NOL11: variants seen among roughly 807,000 people sequenced by gnomAD.
NOL11 encodes nucleolar protein 11.
A neutral mutation model predicts 93.0 loss-of-function variants in NOL11; 42 were observed. That is an observed-to-expected ratio of 0.45 (90% CI 0.35 to 0.58). NOL11 has a LOEUF of 0.58. NOL11 is among the 20% of genes least tolerant of loss of function. The pLI, the probability that NOL11 is intolerant of heterozygous loss-of-function variation, is 0.00. For synonymous variants in NOL11, 296 were observed against 293.7 expected, an observed-to-expected ratio of 1.01 and a Z score of -0.08; for missense variants, 775 against 841.8, an observed-to-expected ratio of 0.92 and a Z score of 0.98.
At chr17:67,743,616 T>C in intron 17 of NOL11, 30 bp downstream of exon 17, 3 of 1,370,136 alleles carry the variant, frequency 2.2e-6, no homozygotes, top group Non-Finnish European at 3.1e-6. Flanking sequence ...ATACTGATTT[T>C]ATTTGTACCC....
At chr17:67,740,023 G>A (rs751573065) in intron 16 of NOL11, among the ~76,000 whole-genome samples, 8 of 152,066 alleles carry the variant, frequency 5.3e-5, no homozygotes, top group Non-Finnish European at 1.2e-4. Context: ...ATCACTTGAG[G>A]TCAGGAGTTT....
Position 67,718,038 on chromosome 17 carries a change from A to G in NOL11, c.91A>G (p.Thr31Ala), listed in dbSNP as rs2043189055. ...GLLGVEQSDK[T>A]DQFLVTDSGR... ...CCTAGGCGTGGAGCAGAGCGACAAA[A>G]CAGACCAGTTTCTAGTGACAGACAG... Residue 31 changes from threonine to alanine, a missense_variant, in exon 1 of 18, where the codon ACA becomes GCA. Physicochemically the swap from Thr to Ala is moderately conservative, Grantham distance 58 (BLOSUM62 0). Around this residue, in one of 2 missense-constraint regions of NOL11, gnomAD observed 359 missense variants for 316.5 expected, o/e 1.13. Coordinates refer to ENST00000253247, the MANE Select transcript of NOL11 (RefSeq NM_015462.5). 3.1e-6 allele frequency: 5 copies of G among 1,614,078 alleles called. No homozygotes were observed. Among genetic ancestry groups the G allele is most frequent in the South Asian group, 1.1e-5 (1 of 91,084 alleles).
At chr17:67,719,273 C>T (rs1244629960) in intron 1 of NOL11, 1 of 152,606 alleles carries the variant, frequency 6.6e-6, no homozygotes, top group Non-Finnish European at 1.5e-5. Context: ...GTGAGGTGCG[C>T]TTGTAATTCC....
rs762029432 is a variant in NOL11, at chr17:67,743,979, GA to G, written c.*121del. On this transcript the variant is annotated 3_prime_UTR_variant, in exon 18 of 18. Transcript: ENST00000253247. ...TCAGTGTCAAGAGAAACGTGTCAGTGAGTACCTGGACCATCACTTAACTGAT... is the reference window on the plus strand; with the variant it reads ...TCAGTGTCAAGAGAAACGTGTCAGTGGTACCTGGACCATCACTTAACTGAT... The G allele has an allele frequency of 1.8e-6, 1 of 568,706 alleles. No homozygotes were observed. Among genetic ancestry groups the G allele is most frequent in the Non-Finnish European group, 3.1e-6 (1 of 324,442 alleles). 35.2% of individuals were successfully genotyped at this position (568,706 alleles called of 1,614,324 possible).
chr17:67,720,044 T>C (rs2043206042), intron 3 of NOL11, 82 bp downstream of exon 3: 4 of 1,285,090 alleles, frequency 3.1e-6, no homozygotes, highest in Non-Finnish European at 4.2e-6. Context: ...TGTTATTTAT[T>C]TTAATACCTC....
intron 6 of NOL11, among the ~76,000 whole-genome samples, chr17:67,724,968 G>C (rs563919354): frequency 6.6e-6 from 1 of 152,318 alleles, no homozygotes; most frequent in Non-Finnish European, 1.5e-5. Context: ...TGAGGCAGGA[G>C]AATGGTGTGA....
intron 7 of NOL11, among the ~76,000 whole-genome samples, chr17:67,729,233 T>A (rs2055128518): frequency 6.6e-6 from 1 of 152,150 alleles, no homozygotes. Flanking sequence ...TAACTGGGAT[T>A]ACAGGCATGT....
At chr17:67,723,919 T>C (rs1252270558) in intron 5 of NOL11, 130 bp from the exon 6 acceptor site, 13 of 608,898 alleles carry the variant, frequency 2.1e-5, no homozygotes, top group Non-Finnish European at 3.6e-5. Context: ...ACAAACAAAT[T>C]TGATAGCATA....
chr17:67,719,854 T>G, intron 2 of NOL11, 52 bp from the exon 3 acceptor site: 1 of 1,504,780 alleles, frequency 6.6e-7, no homozygotes, highest in Non-Finnish European at 9.1e-7. Context: ...TTGTATTTAT[T>G]ATATGTAAAT....
At chr17:67,727,821 CCTGGGCTTTTTG>C (rs1370742599) in intron 7 of NOL11, among the ~76,000 whole-genome samples, 4 of 149,644 alleles carry the variant, frequency 2.7e-5, no homozygotes, top group African/African-American at 9.8e-5. Context: ...CAAAAAATCA[CCTGGGCTTTTTG>C]GCGCACAAAC....
chr17:67,727,769 G>C (rs958586874), intron 7 of NOL11, among the ~76,000 whole-genome samples: 3 of 151,832 alleles, frequency 2.0e-5, no homozygotes, highest in Non-Finnish European at 2.9e-5. Context: ...TTCGAGACCA[G>C]CTTGGCCAAC....
chr17:67,724,855 G>C (rs1009845971), intron 6 of NOL11, among the ~76,000 whole-genome samples: 1 of 152,034 alleles, frequency 6.6e-6, no homozygotes, highest in African/African-American at 2.4e-5. Flanking sequence ...TCAGGAGATC[G>C]AGACCATCCT....
chr17:67,718,243 G>A (rs3760226), intron 1 of NOL11, among the ~76,000 whole-genome samples, 155 bp downstream of exon 1: 138,401 of 152,246 alleles, frequency 0.91, 63,039 homozygotes, highest in African/African-American at 0.96. Flanking sequence ...AGTGAGGTCT[G>A]GAATCTGGCT....
intron 8 of NOL11, among the ~76,000 whole-genome samples, chr17:67,735,332 TTATAC>T (rs147341004): frequency 0.025 from 3,806 of 152,270 alleles, 146 homozygotes; most frequent in African/African-American, 0.086. Flanking sequence ...TACAATTTAA[TTATAC>T]TTTATATGTA....
Position 67,718,054 on chromosome 17 carries a change from TGACA to T in NOL11, c.113_116del (p.Asp38AlafsTer21). On this transcript the variant is annotated frameshift_variant, in exon 1 of 18. Coordinates refer to ENST00000253247, the MANE Select transcript of NOL11 (RefSeq NM_015462.5). LOFTEE classifies it high-confidence loss of function. ...AGCGACAAAACAGACCAGTTTCTAG[TGACA>T]GACAGCGGCAGGACAGTCATCCTCT... 2 of 1,614,206 alleles carry T rather than the reference TGACA, an allele frequency of 1.2e-6. No individual in the cohort carries two copies. Among genetic ancestry groups the T allele is most frequent in the Non-Finnish European group, 8.5e-7 (1 of 1,180,040 alleles).
rs75854539 is a variant in NOL11 at position 67,724,328 on chromosome 17, T to C, written c.664+135T>C. ...TGTGCTTCTTTACAGCGTTCATGCC[T>C]TCACTTTTTTTTTTTTTTTTTTTGA... On this transcript the variant is annotated intron_variant, in intron 6 of 17. Transcript: ENST00000253247. The C allele has an allele frequency of 5.3e-5, 24 of 454,184 alleles. No individual in the cohort carries two copies. The East Asian group carries it at 8.9e-4, about 17-fold the overall frequency. The allele number at this position is 454,184 out of a possible 1,614,324, so 28.1% of individuals were successfully genotyped here. A position where few individuals can be genotyped will look rare whatever the true frequency, so the allele number is the denominator to read the frequency against.
rs1389332658 is a variant in NOL11 at position 67,735,943 on chromosome 17, C to A, written c.974C>A (p.Ser325Tyr). The change falls in exon 9 of 18, where the codon TCT (serine) becomes TAT (tyrosine). Residue 325 changes from serine (S) to tyrosine (Y), a missense_variant. Ser to Tyr is a moderately radical substitution (Grantham distance 144). Transcript: ENST00000253247. The stretch of plus-strand genomic sequence containing the variant: ...CATTTGTTTATGCTACATGGAAAAT[C>A]TCTAACTGTGATTCCATACAAGTGT... ...GEHLFMLHGK[S>Y]LTVIPYKCEV... The A allele has an allele frequency of 6.2e-7, 1 of 1,611,942 alleles. No individual in the cohort carries two copies. The highest frequency in any genetic ancestry group is 8.5e-7 in the Non-Finnish European group (1 of 1,178,716).
chr17:67,721,380 G>T lies in NOL11; in HGVS notation c.315G>T (p.Leu105Phe). ...VNLDKVFKAT[L>F]SAEVYRILSV... Reference sequence around the variant, plus strand: ...TAAAATTTTTTATGTTCTTCCAGTTGTCAGCAGAAGTATATAGGATACTTT... The same window carrying T: ...TAAAATTTTTTATGTTCTTCCAGTTTTCAGCAGAAGTATATAGGATACTTT... Residue 105 changes from leucine to phenylalanine, a missense_variant and splice_region_variant, in exon 4 of 18, where the codon TTG becomes TTT. Leu to Phe is a conservative substitution (Grantham distance 22). Around this residue, in one of 2 missense-constraint regions of NOL11, gnomAD observed 359 missense variants for 316.5 expected, o/e 1.13. Transcript: ENST00000253247. 6.5e-7 allele frequency: 1 copy of T among 1,529,280 alleles called. No individual in the cohort carries two copies. Among genetic ancestry groups the T allele is most frequent in the East Asian group, 2.3e-5 (1 of 43,300 alleles). The allele number at this position is 1,529,280 out of a possible 1,614,324, so 94.7% of individuals were successfully genotyped here.
intron 7 of NOL11, among the ~76,000 whole-genome samples, chr17:67,733,814 T>C (rs756238352): frequency 6.6e-6 from 1 of 152,208 alleles, no homozygotes; most frequent in Non-Finnish European, 1.5e-5. Context: ...GGTTTTCTTC[T>C]GTTAACTACC....
Sources: allele counts gnomAD v4.1 joint callset (sites outside exome capture counted in the v4.1 genomes callset), GRCh38; gene constraint gnomAD v4.1.1; regional missense constraint gnomAD v4.1.1; transcripts MANE v1.5; gene names NCBI Gene and HGNC (gene_info 2026-07-23, HGNC 2026-07-21).